The following ARPC2 variants were observed in gnomAD, a reference collection of about 807,000 sequenced individuals.
ARPC2 encodes the protein actin-related protein 2/3 complex subunit 2.
In ARPC2, 4 loss-of-function variants were observed where a neutral mutation model predicts 38.6. That is an observed-to-expected ratio of 0.10 (90% confidence interval 0.05 to 0.24). The LOEUF (loss-of-function observed/expected upper bound fraction) is 0.24. ARPC2 is among the 10% of genes least tolerant of loss of function. ARPC2 has a pLI of 1.00. For missense variants in ARPC2, 229 were observed against 387.3 expected, an observed-to-expected ratio of 0.59 and a Z score of 3.43; for synonymous variants, 125 against 140.8, an observed-to-expected ratio of 0.89 and a Z score of 0.79.
chr2:218,240,101 C>T (rs1405633254), intron 7 of ARPC2, among the ~76,000 whole-genome samples: 3 of 151,452 alleles, frequency 2.0e-5, no homozygotes, highest in East Asian at 2.0e-4. Flanking sequence ...ATTACAGGCA[C>T]GCGCCACCAC....
At chr2:218,223,093 C>T (rs745720241) in intron 2 of ARPC2, among the ~76,000 whole-genome samples, 23 of 152,264 alleles carry the variant, frequency 1.5e-4, no homozygotes, top group South Asian at 1.2e-3. Context: ...AGTAGTCCCC[C>T]CTTATCTGTG....
intron 7 of ARPC2, among the ~76,000 whole-genome samples, chr2:218,243,832 A>G (rs1311743840): frequency 6.6e-6 from 1 of 152,206 alleles, no homozygotes; most frequent in African/African-American, 2.4e-5. Context: ...CGAGCCTTAA[A>G]TATGTTATTT....
intron 10 of ARPC2, chr2:218,253,082 G>T (rs955237700): frequency 3.5e-5 from 15 of 434,716 alleles, no homozygotes; most frequent in Non-Finnish European, 4.6e-5. Flanking sequence ...AGGAACCCTC[G>T]ATGGGCCGCC....
intron 3 of ARPC2, among the ~76,000 whole-genome samples, chr2:218,227,417 G>A (rs1283404525): frequency 6.6e-6 from 1 of 152,094 alleles, no homozygotes; most frequent in African/African-American, 2.4e-5. Flanking sequence ...TTAAATACTT[G>A]ACTGAATATT....
intron 10 of ARPC2, among the ~76,000 whole-genome samples, chr2:218,251,596 G>A (rs1262713163): frequency 6.6e-6 from 1 of 152,058 alleles, no homozygotes; most frequent in Non-Finnish European, 1.5e-5. Context: ...TGGGACCACA[G>A]GCATGCACCA....
At chr2:218,227,030 T>C (rs1559476382) in intron 3 of ARPC2, 2 of 456,630 alleles carry the variant, frequency 4.4e-6, no homozygotes, top group Non-Finnish European at 8.8e-6. Context: ...CCACCCTTTC[T>C]ACAACAAGAG....
At chr2:218,230,276 C>CTTTTTTTTTT (rs1404910498) in intron 4 of ARPC2, among the ~76,000 whole-genome samples, 1 of 112,444 alleles carries the variant, frequency 8.9e-6, no homozygotes, top group African/African-American at 3.3e-5. Context: ...CCAGCCTTTT[C>CTTTTTTTTTT]TTTTTTTTTT....
intron 2 of ARPC2, among the ~76,000 whole-genome samples, chr2:218,221,468 G>A (rs571431476): frequency 3.9e-5 from 6 of 152,280 alleles, no homozygotes; most frequent in Admixed American, 3.9e-4. Flanking sequence ...AGACCTGGTT[G>A]GTCTTTTTAC....
At position 218,233,936 on chromosome 2, in the gene ARPC2, G is replaced by A. The variant is rs778849108; in HGVS notation, c.223-416G>A. On this transcript the variant is annotated intron_variant, in intron 4 of 10. Transcript: ENST00000315717. ...TCCCAGCACTTTGGGAGGACGAGGCGGGTGGATCATCCAAGGTCAGTAGTT... is the reference window on the plus strand; with the variant it reads ...TCCCAGCACTTTGGGAGGACGAGGCAGGTGGATCATCCAAGGTCAGTAGTT... The A allele has an allele frequency of 8.3e-5, 13 of 155,746 alleles. No individual in the cohort carries two copies. In the South Asian group the frequency reaches 1.1e-3, roughly 14 times the overall value. 9.6% of individuals were successfully genotyped at this position (155,746 alleles called of 1,614,324 possible).
In ARPC2 at chr2:218,238,712, A is replaced by G. The variant is rs1461667881; in HGVS notation, c.317A>G (p.Lys106Arg). The change falls in exon 6 of 11, where the codon AAG (lysine) becomes AGG (arginine). Residue 106 changes from lysine to arginine, a missense_variant. Physicochemically the swap from Lys to Arg is conservative, Grantham distance 26. Coordinates refer to ENST00000315717, the MANE Select transcript of ARPC2 (RefSeq NM_152862.3). Reference protein sequence around the residue: ...LYDLENLPASKDSIVHQAGML... With the variant: ...LYDLENLPASRDSIVHQAGML... ...GACCTTGAAAATCTTCCGGCATCCA[A>G]GGATTCCATTGTGCATCAAGCTGGC... 1.9e-6 allele frequency: 3 copies of G among 1,613,530 alleles called. No individual in the cohort carries two copies. The highest frequency in any genetic ancestry group is 8.5e-7 in the Non-Finnish European group (1 of 1,179,890).
chr2:218,251,854 C>G (rs975500599), intron 10 of ARPC2, among the ~76,000 whole-genome samples: 4 of 152,200 alleles, frequency 2.6e-5, no homozygotes, highest in African/African-American at 9.6e-5. Flanking sequence ...AAGTTAGTTT[C>G]TGCTGTCATT....
intron 2 of ARPC2, among the ~76,000 whole-genome samples, chr2:218,221,198 C>T (rs1689377240): frequency 6.6e-6 from 1 of 152,170 alleles, no homozygotes; most frequent in Non-Finnish European, 1.5e-5. Context: ...CTCCGTGCCA[C>T]AGCCAGTGTA....
At chr2:218,240,889 G>A (rs923578670) in intron 7 of ARPC2, among the ~76,000 whole-genome samples, 2 of 19,634 alleles carry the variant, frequency 1.0e-4, no homozygotes, top group Admixed American at 1.0e-3. Context: ...GCGAAACTCC[G>A]ACTCAAAAAA....
At chr2:218,230,675 G>A (rs1225143915) in intron 4 of ARPC2, among the ~76,000 whole-genome samples, 2 of 152,066 alleles carry the variant, frequency 1.3e-5, no homozygotes, top group Non-Finnish European at 2.9e-5. Context: ...TTTAAATTGT[G>A]TAATCATTCT....
chr2:218,217,341 C>A, intron 1 of ARPC2, 87 bp downstream of exon 1: 1 of 811,162 alleles, frequency 1.2e-6, no homozygotes. Flanking sequence ...GGCCCCTCTC[C>A]CCTTCTCCCC....
intron 2 of ARPC2, among the ~76,000 whole-genome samples, chr2:218,222,673 A>T (rs145372951): frequency 6.6e-6 from 1 of 152,304 alleles, no homozygotes; most frequent in East Asian, 1.9e-4. Context: ...ACAGCTTCAG[A>T]GTCCGATCTC....
chr2:218,246,848 A>G (rs573015664), intron 8 of ARPC2, among the ~76,000 whole-genome samples: 44 of 152,054 alleles, frequency 2.9e-4, no homozygotes, highest in Admixed American at 2.7e-3. Flanking sequence ...ACATGTGCCT[A>G]TAGTCTATAG....
At chr2:218,226,901 T>A (rs1689510527) in intron 3 of ARPC2, 2 of 402,530 alleles carry the variant, frequency 5.0e-6, no homozygotes, top group Admixed American at 5.0e-5. Context: ...TAGGGAAACA[T>A]GAACAGCTAG....
At chr2:218,226,344 C>A (rs1559476043) in intron 3 of ARPC2, among the ~76,000 whole-genome samples, 1 of 149,592 alleles carries the variant, frequency 6.7e-6, no homozygotes, top group Non-Finnish European at 1.5e-5. Flanking sequence ...TAAGCTTTGA[C>A]ATGGATTGGG....
Sources: gnomAD v4.1 joint callset for allele counts (sites outside exome capture counted in the v4.1 genomes callset) on GRCh38, gnomAD v4.1.1 for gene constraint, MANE v1.5 for transcripts, NCBI Gene and HGNC (gene_info 2026-07-23, HGNC 2026-07-21) for gene names.